Variants in GRHL2 observed in about 807,000 individuals in gnomAD.
GRHL2 encodes grainyhead-like protein 2 homolog.
In GRHL2, 21 loss-of-function variants were observed where a neutral mutation model predicts 83.8. The observed-to-expected ratio is 0.25, with a 90% confidence interval of 0.18 to 0.36. The LOEUF (loss-of-function observed/expected upper bound fraction) is 0.36. Ranked by LOEUF, GRHL2 falls within the 10% of genes least tolerant of loss-of-function variation. The probability of loss-of-function intolerance (pLI) is 1.00; values close to 1 mark genes in which losing one functional copy is unlikely to be tolerated. For synonymous variants in GRHL2, 280 were observed against 278.9 expected (o/e 1.00, Z -0.04); for missense variants, 623 against 781.8 (o/e 0.80, Z 2.42).
intron 14 of GRHL2, among the ~76,000 whole-genome samples, chr8:101,660,270 T>TATATC (rs139857968): frequency 0.026 from 3,947 of 152,336 alleles, 141 homozygotes; most frequent in African/African-American, 0.076. Flanking sequence ...CATTATATCA[T>TATATC]ATATCCATTC....
chr8:101,657,503 G>A (rs1327179137), intron 14 of GRHL2, among the ~76,000 whole-genome samples: 1 of 152,114 alleles, frequency 6.6e-6, no homozygotes, highest in Non-Finnish European at 1.5e-5. Context: ...TTTATAAAAT[G>A]CACTTTTTAT....
At chr8:101,662,860 C>CATATAT (rs34202494) in intron 14 of GRHL2, among the ~76,000 whole-genome samples, 4,584 of 146,124 alleles carry the variant, frequency 0.031, 222 homozygotes, top group African/African-American at 0.099. Context: ...TATGTACTTA[C>CATATAT]ATATATATAC....
chr8:101,588,040 T>C (rs907768689), intron 7 of GRHL2, among the ~76,000 whole-genome samples: 11 of 152,256 alleles, frequency 7.2e-5, no homozygotes, highest in African/African-American at 2.7e-4. Flanking sequence ...AAGAAAACTC[T>C]TTGAACAGGC....
chr8:101,603,982 G>A (rs907332264), intron 8 of GRHL2, among the ~76,000 whole-genome samples: 7 of 134,572 alleles, frequency 5.2e-5, no homozygotes, highest in East Asian at 2.1e-4. Context: ...CACTCGGGTA[G>A]CCAGCTTTTT....
intron 7 of GRHL2, among the ~76,000 whole-genome samples, chr8:101,578,316 T>G (rs752080472): frequency 5.9e-5 from 9 of 151,778 alleles, no homozygotes; most frequent in Non-Finnish European, 1.2e-4. Flanking sequence ...CAATGGGAGA[T>G]GAAAGCACAG....
chr8:101,624,579 A>C (rs1014287358), intron 9 of GRHL2, among the ~76,000 whole-genome samples: 2 of 134,522 alleles, frequency 1.5e-5, no homozygotes, highest in African/African-American at 5.4e-5. Context: ...ACACAGTAGA[A>C]CAGTTCACAG....
intron 9 of GRHL2, among the ~76,000 whole-genome samples, chr8:101,627,968 T>C (rs1813113143): frequency 1.3e-5 from 2 of 152,056 alleles, no homozygotes; most frequent in African/African-American, 4.8e-5. Context: ...AGAGATGACT[T>C]CGTAACATTC....
Position 101,573,783 on chromosome 8 carries a change from G to A in GRHL2, c.850G>A (p.Gly284Arg), listed in dbSNP as rs779714193. 1.3e-5 allele frequency: 21 copies of A among 1,614,024 alleles called. No homozygotes were observed. The highest frequency in any genetic ancestry group is 1.2e-4 in the South Asian group (11 of 91,082). ...QFYAITLSET[G>R]DNKCFRHPIS... Reference sequence around the variant, plus strand: ...CTATGCCATAACACTCAGCGAGACCGGAGACAACAAATGCTTCCGACACCC... The same window carrying A: ...CTATGCCATAACACTCAGCGAGACCAGAGACAACAAATGCTTCCGACACCC... The change falls in exon 6 of 16, where the codon GGA (glycine) becomes AGA (arginine). Residue 284 changes from glycine (G) to arginine (R), a missense_variant. Transcript: ENST00000646743.
intron 4 of GRHL2, among the ~76,000 whole-genome samples, chr8:101,566,639 A>G (rs575253192): frequency 1.3e-4 from 20 of 149,264 alleles, no homozygotes; most frequent in Middle Eastern, 7.1e-3. Flanking sequence ...ATTATATCTA[A>G]CTGCCCGATT....
At chr8:101,632,980 T>C (rs981279505) in intron 11 of GRHL2, among the ~76,000 whole-genome samples, 4 of 152,178 alleles carry the variant, frequency 2.6e-5, no homozygotes, top group African/African-American at 4.8e-5. Flanking sequence ...TGATGGAATA[T>C]TATGCAGTCA....
intron 1 of GRHL2, among the ~76,000 whole-genome samples, chr8:101,538,211 C>A (rs550591738): frequency 6.6e-6 from 1 of 152,134 alleles, no homozygotes; most frequent in East Asian, 1.9e-4. Flanking sequence ...GTTAAGCTTC[C>A]TCTGCTTCTC....
chr8:101,679,116 C>G, the GRHL2 span, among the ~76,000 whole-genome samples: 3 of 132,108 alleles, frequency 2.3e-5, no homozygotes, highest in Non-Finnish European at 4.8e-5. Context: ...TTCAGACGAT[C>G]AAATTACTCT....
intron 1 of GRHL2, among the ~76,000 whole-genome samples, chr8:101,520,571 A>G (rs761973720): frequency 1.3e-4 from 20 of 152,084 alleles, no homozygotes; most frequent in Admixed American, 3.9e-4. Context: ...TCACAAGAGA[A>G]CATCTTGTGT....
intron 1 of GRHL2, 56 bp downstream of exon 1, chr8:101,492,845 A>G (rs930612456): frequency 1.3e-6 from 2 of 1,540,156 alleles, no homozygotes; most frequent in African/African-American, 2.7e-5. Flanking sequence ...GGCTGATGGC[A>G]ACTGGTTTGT....
rs35693999 is a variant in GRHL2 at position 101,656,873 on chromosome 8, G to GACACACACACACACACACACACACAC, written c.1698+7382_1698+7407dup. On this transcript the variant is annotated intron_variant, in intron 14 of 15. Coordinates refer to ENST00000646743, the MANE Select transcript of GRHL2 (RefSeq NM_024915.4). ...GTTAGTGTATTTTATGTGTCTAACA[G>GACACACACACACACACACACACACAC]ACACACACACACACACACACACACA... Among the ~76,000 whole-genome samples, 953 of 147,340 alleles carry GACACACACACACACACACACACACAC rather than the reference G, an allele frequency of 6.5e-3. 11 individuals carry two copies. Among genetic ancestry groups the GACACACACACACACACACACACACAC allele is most frequent in the African/African-American group, 0.019 (736 of 38,924 alleles).
chr8:101,677,727 T>A, the GRHL2 span, among the ~76,000 whole-genome samples: 7 of 152,022 alleles, frequency 4.6e-5, no homozygotes, highest in African/African-American at 1.4e-4. Flanking sequence ...AGTCATGAAA[T>A]AAGGCTGGGA....
intron 6 of GRHL2, among the ~76,000 whole-genome samples, chr8:101,575,145 T>C (rs1811907457): frequency 6.6e-6 from 1 of 152,120 alleles, no homozygotes; most frequent in Non-Finnish European, 1.5e-5. Flanking sequence ...ATATTTCCTA[T>C]AAATTACATC....
intron 9 of GRHL2, among the ~76,000 whole-genome samples, chr8:101,621,936 TAGG>T (rs1179193958): frequency 6.6e-6 from 1 of 151,996 alleles, no homozygotes; most frequent in Non-Finnish European, 1.5e-5. Flanking sequence ...GAAAAAAAAG[TAGG>T]GGGATGGAAT....
intron 1 of GRHL2, among the ~76,000 whole-genome samples, chr8:101,514,680 T>C (rs1206648563): frequency 6.6e-6 from 1 of 152,204 alleles, no homozygotes; most frequent in African/African-American, 2.4e-5. Flanking sequence ...TGCTAGTGGC[T>C]GCCACAAAGT....
Sources: allele counts gnomAD v4.1 joint callset (sites outside exome capture counted in the v4.1 genomes callset), GRCh38; gene constraint gnomAD v4.1.1; transcripts MANE v1.5; gene names NCBI Gene and HGNC (gene_info 2026-07-23, HGNC 2026-07-21).